MAN1A1: variants seen among roughly 807,000 people sequenced by gnomAD.
The protein encoded by MAN1A1 is mannosidase alpha class 1A member 1, also known as mannosyl-oligosaccharide 1,2-alpha-mannosidase IA.
In MAN1A1, 29 loss-of-function variants were observed where a neutral mutation model predicts 70.8. The ratio of observed to expected loss-of-function variants is 0.41; its 90% CI spans 0.31 to 0.56. The LOEUF is 0.56. MAN1A1 is among the 20% of genes least tolerant of loss of function. The pLI is 0.29. For missense variants in MAN1A1, 747 were observed against 841.3 expected (o/e 0.89, Z 1.39); for synonymous variants, 349 against 330.1 (o/e 1.06, Z -0.62).
chr6:119,190,098 C>T (rs1355356297), intron 9 of MAN1A1, among the ~76,000 whole-genome samples: 5 of 152,158 alleles, frequency 3.3e-5, no homozygotes, highest in African/African-American at 1.2e-4. Flanking sequence ...AACACTGCTG[C>T]GCCAGCACAT....
chr6:119,263,050 C>T (rs1562215921), intron 5 of MAN1A1, among the ~76,000 whole-genome samples: 1 of 152,112 alleles, frequency 6.6e-6, no homozygotes. Flanking sequence ...ATCTTTTTCC[C>T]GTGCTGGATG....
At chr6:119,267,737 T>C (rs549334005) in intron 5 of MAN1A1, among the ~76,000 whole-genome samples, 2 of 152,332 alleles carry the variant, frequency 1.3e-5, no homozygotes, top group South Asian at 2.1e-4. Context: ...TACTATCTTA[T>C]ATGGTTTTAG....
chr6:119,300,214 T>C (rs1772349729), intron 4 of MAN1A1, among the ~76,000 whole-genome samples: 1 of 152,054 alleles, frequency 6.6e-6, no homozygotes, highest in South Asian at 2.1e-4. Flanking sequence ...AGGAGCTGAT[T>C]TTAATAAGAA....
At chr6:119,241,000 T>C (rs1034246968) in intron 6 of MAN1A1, among the ~76,000 whole-genome samples, 6 of 152,182 alleles carry the variant, frequency 3.9e-5, no homozygotes, top group African/African-American at 9.6e-5. Context: ...CAGCTGTTTA[T>C]AGTAAAGCCA....
At chr6:119,321,208 T>A (rs1291064039) in intron 2 of MAN1A1, among the ~76,000 whole-genome samples, 2 of 152,222 alleles carry the variant, frequency 1.3e-5, no homozygotes, top group African/African-American at 2.4e-5. Context: ...ACTATCGATT[T>A]CCATATAAAC....
At chr6:119,256,594 G>A (rs1775466022) in intron 5 of MAN1A1, among the ~76,000 whole-genome samples, 1 of 152,056 alleles carries the variant, frequency 6.6e-6, no homozygotes, top group Non-Finnish European at 1.5e-5. Flanking sequence ...CCATGTTCTC[G>A]TGGCAGTGTT....
intron 5 of MAN1A1, among the ~76,000 whole-genome samples, chr6:119,275,454 C>A (rs1161627476): frequency 6.8e-6 from 1 of 147,010 alleles, no homozygotes; most frequent in Non-Finnish European, 1.5e-5. Context: ...CTACAGGCGC[C>A]CGCCACTACG....
intron 2 of MAN1A1, among the ~76,000 whole-genome samples, chr6:119,347,088 T>C (rs1337154188): frequency 1.3e-5 from 2 of 152,198 alleles, no homozygotes; most frequent in African/African-American, 2.4e-5. Context: ...AAAGCAGATA[T>C]GCTGATGGAC....
intron 4 of MAN1A1, among the ~76,000 whole-genome samples, chr6:119,301,687 G>T (rs546730218): frequency 1.3e-5 from 2 of 152,246 alleles, no homozygotes; most frequent in East Asian, 3.9e-4. Flanking sequence ...ATATACAAAG[G>T]TGTGAAATTA....
At chr6:119,247,151 T>C (rs1775188873) in intron 6 of MAN1A1, among the ~76,000 whole-genome samples, 1 of 152,208 alleles carries the variant, frequency 6.6e-6, no homozygotes, top group Admixed American at 6.5e-5. Flanking sequence ...AGAATGTCAC[T>C]AAAATAAATA....
At chr6:119,267,703 C>G (rs1010796723) in intron 5 of MAN1A1, among the ~76,000 whole-genome samples, 2 of 152,158 alleles carry the variant, frequency 1.3e-5, no homozygotes, top group East Asian at 1.9e-4. Context: ...TCTCTCTCCC[C>G]CAAAGTAACC....
In MAN1A1 at chr6:119,254,843, C is replaced by A. The variant is rs771535522; in HGVS notation, c.898-6489G>T. Among the ~76,000 whole-genome samples the A allele has an allele frequency of 2.6e-5, 4 of 152,204 alleles. No individual in the cohort carries two copies. The East Asian group carries it at 5.8e-4, about 22-fold the overall frequency. Reference sequence around the variant, plus strand: ...GTAAAATACGATGCAACAGTTCTTTCGAGCATGTAACTAACAAATAACTTT... The same window carrying A: ...GTAAAATACGATGCAACAGTTCTTTAGAGCATGTAACTAACAAATAACTTT... On this transcript the variant is annotated intron_variant, in intron 5 of 12. Coordinates refer to ENST00000368468, the MANE Select transcript of MAN1A1 (RefSeq NM_005907.4).
At chr6:119,220,398 C>A (rs1582708192) in intron 6 of MAN1A1, among the ~76,000 whole-genome samples, 2 of 152,112 alleles carry the variant, frequency 1.3e-5, no homozygotes, top group African/African-American at 4.8e-5. Flanking sequence ...CACGTAGTAT[C>A]CTTTTATATG....
chr6:119,277,051 T>A (rs1776085490), intron 5 of MAN1A1, among the ~76,000 whole-genome samples: 1 of 152,198 alleles, frequency 6.6e-6, no homozygotes, highest in South Asian at 2.1e-4. Flanking sequence ...TTCAGAGGAA[T>A]CGGATACTTC....
intron 6 of MAN1A1, among the ~76,000 whole-genome samples, chr6:119,237,765 C>T (rs547939285): frequency 6.6e-6 from 1 of 152,280 alleles, no homozygotes; most frequent in South Asian, 2.1e-4. Context: ...AAAACTGATA[C>T]TACTTATTAG....
chr6:119,217,827 C>T (rs1017747847), intron 6 of MAN1A1, among the ~76,000 whole-genome samples: 1 of 152,164 alleles, frequency 6.6e-6, no homozygotes, highest in African/African-American at 2.4e-5. Context: ...CATGCACACA[C>T]ATATATGGAT....
chr6:119,309,944 A>T (rs564823368), intron 2 of MAN1A1, among the ~76,000 whole-genome samples: 1 of 152,216 alleles, frequency 6.6e-6, no homozygotes. Flanking sequence ...AGTATCTGCT[A>T]CACTATGAAA....
At chr6:119,181,066 C>T (rs1170474237) in intron 11 of MAN1A1, among the ~76,000 whole-genome samples, 3 of 152,102 alleles carry the variant, frequency 2.0e-5, no homozygotes, top group African/African-American at 7.2e-5. Flanking sequence ...AAATCCAGTC[C>T]ACTGTTTATT....
intron 5 of MAN1A1, among the ~76,000 whole-genome samples, chr6:119,286,001 T>C (rs535130326): frequency 6.6e-6 from 1 of 152,330 alleles, no homozygotes; most frequent in East Asian, 1.9e-4. Flanking sequence ...AAAGCCCAGA[T>C]GATTTACAAA....
Sources: gnomAD v4.1 joint callset for allele counts (sites outside exome capture counted in the v4.1 genomes callset) on GRCh38, gnomAD v4.1.1 for gene constraint, MANE v1.5 for transcripts, NCBI Gene and HGNC (gene_info 2026-07-23, HGNC 2026-07-21) for gene names.